KCNQ1: variants seen among roughly 807,000 people sequenced by gnomAD.
The protein encoded by KCNQ1 is potassium voltage-gated channel subfamily KQT member 1.
KCNQ1 carries 49 observed loss-of-function variants against 72.4 expected under a neutral mutation model. The ratio of observed to expected loss-of-function variants is 0.68; its 90% confidence interval spans 0.54 to 0.86. The LOEUF (loss-of-function observed/expected upper bound fraction) is 0.86. Ranked by LOEUF, KCNQ1 falls within the 40% of genes least tolerant of loss-of-function variation. KCNQ1 has a pLI of 0.00. For synonymous variants in KCNQ1, 450 were observed against 412.6 expected (o/e 1.09, Z -1.10); for missense variants, 790 against 945.1 (o/e 0.84, Z 2.15).
intron 2 of KCNQ1, among the ~76,000 whole-genome samples, chr11:2,535,322 A>G (rs933861744): frequency 6.6e-6 from 1 of 152,150 alleles, no homozygotes; most frequent in Admixed American, 6.5e-5. Context: ...GGTGGGCTGA[A>G]CTTCAGCTGC....
rs888091799 is a variant in KCNQ1 at position 2,764,140 on chromosome 11, T to C, written c.1515-4704T>C. Reference sequence around the variant, plus strand: ...TGTCTCAGGAGGAAAGCGTATCACATTTCACTATTAAGTATGATGTCTGCT... The same window carrying C: ...TGTCTCAGGAGGAAAGCGTATCACACTTCACTATTAAGTATGATGTCTGCT... On this transcript the variant is annotated intron_variant, in intron 11 of 15. Coordinates refer to ENST00000155840, the MANE Select transcript of KCNQ1 (RefSeq NM_000218.3). The surrounding 1 kb of genome is among the most constrained non-coding windows in gnomAD (Gnocchi z 4.8). Among the ~76,000 whole-genome samples, 15 of 152,292 alleles carry C rather than the reference T, an allele frequency of 9.8e-5. No individual in the cohort carries two copies. Among genetic ancestry groups the C allele is most frequent in the Middle Eastern group, 3.4e-3 (1 of 294 alleles).
chr11:2,790,174 G>T (rs116941544), intron 15 of KCNQ1, among the ~76,000 whole-genome samples: 2,116 of 152,270 alleles, frequency 0.014, 28 homozygotes, highest in Non-Finnish European at 0.021. Flanking sequence ...CTGCCACTGG[G>T]TGATGGGACC....
chr11:2,736,953 C>G (rs1294932814), intron 11 of KCNQ1, among the ~76,000 whole-genome samples: 1 of 152,166 alleles, frequency 6.6e-6, no homozygotes, highest in East Asian at 1.9e-4. Context: ...CTGAGGAAGC[C>G]CAGTCCCGAC....
rs1376220115 is a variant in KCNQ1 at position 2,687,943 on chromosome 11, G to A, written c.1514+25862G>A. On this transcript the variant is annotated intron_variant, in intron 11 of 15. Transcript: ENST00000155840. The surrounding 1 kb of genome is among the most constrained non-coding windows in gnomAD (Gnocchi z 5.0). ...TTGTGAGGCTGCACTTCTCCCACCCGCTGTGGGTCAGCCAGGCCGCTGCTT... is the reference window on the plus strand; with the variant it reads ...TTGTGAGGCTGCACTTCTCCCACCCACTGTGGGTCAGCCAGGCCGCTGCTT... 7.3e-5 allele frequency: 29 copies of A among 398,794 alleles called. 1 individual carries two copies. The South Asian group carries it at 1.3e-3, about 17-fold the overall frequency. 24.7% of individuals were successfully genotyped at this position (398,794 alleles called of 1,614,324 possible).
At chr11:2,780,596 C>G (rs949980301) in intron 15 of KCNQ1, among the ~76,000 whole-genome samples, 2 of 152,196 alleles carry the variant, frequency 1.3e-5, no homozygotes, top group Non-Finnish European at 2.9e-5. Context: ...AGCCCCTCAG[C>G]TGGGCTGTGC....
At position 2,537,351 on chromosome 11, in the gene KCNQ1, C is replaced by T. The variant is rs562184807; in HGVS notation, c.477+9333C>T. Among the ~76,000 whole-genome samples the T allele has an allele frequency of 1.1e-4, 17 of 152,196 alleles. No individual in the cohort carries two copies. Among genetic ancestry groups the T allele is most frequent in the Non-Finnish European group, 1.8e-4 (12 of 68,032 alleles). ...GACCTTCCAGGAAAGGTTTGCCACG[C>T]TATTTATTTAGCAGGATAATTTTGG... On this transcript the variant is annotated intron_variant, in intron 2 of 15. Transcript: ENST00000155840. This position sits in a 1 kb window ranked among gnomAD's most constrained non-coding sequence, Gnocchi z 5.2.
At chr11:2,689,233 C>A in intron 11 of KCNQ1, 3 of 398,746 alleles carry the variant, frequency 7.5e-6, no homozygotes, top group Non-Finnish European at 1.3e-5. Context: ...TTAGGCCAAG[C>A]TTTGAAGTCA....
chr11:2,722,558 C>T (rs992143799), intron 11 of KCNQ1, among the ~76,000 whole-genome samples: 4 of 152,150 alleles, frequency 2.6e-5, no homozygotes. Context: ...CTGGTGGGTC[C>T]CACTGAAGCT....
chr11:2,638,222 G>A (rs904142369), intron 10 of KCNQ1: 2 of 152,146 alleles, frequency 1.3e-5, no homozygotes, highest in Non-Finnish European at 2.9e-5. Flanking sequence ...CCATTATGAT[G>A]TTAGCTGGTT....
intron 1 of KCNQ1, chr11:2,521,625 C>T (rs1422325926): frequency 2.9e-5 from 13 of 448,312 alleles, no homozygotes. Flanking sequence ...ACCCCTTGAG[C>T]TGCCCACGTG....
rs953910042 is a variant in KCNQ1, at chr11:2,659,895, C to G, written c.1394-2066C>G. ...TCCATTTTTAAAATTGGATTGTTCA[C>G]TTTATTGTCAAGTTGTAAGCATTCT... On this transcript the variant is annotated intron_variant, in intron 10 of 15. Coordinates refer to ENST00000155840, the MANE Select transcript of KCNQ1 (RefSeq NM_000218.3). This position sits in a 1 kb window ranked among gnomAD's most constrained non-coding sequence, Gnocchi z 4.3. 7.5e-6 allele frequency: 3 copies of G among 398,170 alleles called. No individual in the cohort carries two copies. Among genetic ancestry groups the G allele is most frequent in the Middle Eastern group, 6.2e-4 (1 of 1,606 alleles). The allele number at this position is 398,170 out of a possible 1,614,324, so 24.7% of individuals were successfully genotyped here.
rs922082155 is a variant in KCNQ1 at position 2,651,131 on chromosome 11, C to G, written c.1394-10830C>G. 1.8e-5 allele frequency: 7 copies of G among 398,584 alleles called. No homozygotes were observed. Among genetic ancestry groups the G allele is most frequent in the Non-Finnish European group, 3.1e-5 (7 of 226,128 alleles). 24.7% of individuals were successfully genotyped at this position (398,584 alleles called of 1,614,324 possible). ...CTGTACTCCATTCTTCACATAACAG[C>G]TCAAGGGAGTTCTTTAAATGTACAG... On this transcript the variant is annotated intron_variant, in intron 10 of 15. Transcript: ENST00000155840. The surrounding 1 kb of genome is among the most constrained non-coding windows in gnomAD (Gnocchi z 6.1).
intron 11 of KCNQ1, chr11:2,684,738 G>C (rs1003264738): frequency 5.0e-6 from 2 of 398,548 alleles, no homozygotes; most frequent in South Asian, 2.5e-4. Flanking sequence ...GGGTAGGTCT[G>C]CCTGGGAGAA....
chr11:2,697,297 A>C (rs201239388), intron 11 of KCNQ1: 1 of 398,476 alleles, frequency 2.5e-6, no homozygotes, highest in African/African-American at 2.1e-5. Context: ...TAACACCAAA[A>C]TGTTTGAGAA....
chr11:2,612,418 C>CTCTTCATTTT lies in KCNQ1; in HGVS notation c.1393+23573_1393+23582dup, dbSNP rs1481080890. ...CTATATTATGGTATCCAATGGGTATCTCTTCATTTTTCTTCATTATTTTTC... is the reference window on the plus strand; with the variant it reads ...CTATATTATGGTATCCAATGGGTATCTCTTCATTTTTCTTCATTTTTCTTCATTATTTTTC... On this transcript the variant is annotated intron_variant, in intron 10 of 15. Coordinates refer to ENST00000155840, the MANE Select transcript of KCNQ1 (RefSeq NM_000218.3). This position sits in a 1 kb window ranked among gnomAD's most constrained non-coding sequence, Gnocchi z 5.5. The CTCTTCATTTT allele has an allele frequency of 2.5e-6, 1 of 398,438 alleles. No homozygotes were observed. The highest frequency in any genetic ancestry group is 4.4e-6 in the Non-Finnish European group (1 of 226,066). 24.7% of individuals were successfully genotyped at this position (398,438 alleles called of 1,614,324 possible).
chr11:2,576,159 G>T (rs1379226067), intron 6 of KCNQ1, among the ~76,000 whole-genome samples: 3 of 152,194 alleles, frequency 2.0e-5, no homozygotes, highest in Non-Finnish European at 4.4e-5. Flanking sequence ...AATTAGGGGG[G>T]ATGCAGTCCA....
At position 2,624,547 on chromosome 11, in the gene KCNQ1, G is replaced by A. The variant is rs1276617793; in HGVS notation, c.1393+35693G>A. ...TTATCTTCTGGGATTTCTATTTGTTGTTGATTTCCAAATCTTTTATTGTGG... is the reference window on the plus strand; with the variant it reads ...TTATCTTCTGGGATTTCTATTTGTTATTGATTTCCAAATCTTTTATTGTGG... On this transcript the variant is annotated intron_variant, in intron 10 of 15. Coordinates refer to ENST00000155840, the MANE Select transcript of KCNQ1 (RefSeq NM_000218.3). The surrounding 1 kb of genome is among the most constrained non-coding windows in gnomAD (Gnocchi z 4.9). 1 of 398,316 alleles carries A rather than the reference G, an allele frequency of 2.5e-6. No homozygotes were observed. The highest frequency in any genetic ancestry group is 4.4e-6 in the Non-Finnish European group (1 of 225,958). The allele number at this position is 398,316 out of a possible 1,614,324, so 24.7% of individuals were successfully genotyped here. A position where few individuals can be genotyped will look rare whatever the true frequency, so the allele number is the denominator to read the frequency against.
In KCNQ1 at chr11:2,683,896, A is replaced by G; in HGVS notation, c.1514+21815A>G. ...CTCTTCCAAATCATAAATGCAAAAG[A>G]TGGCCAAAGGTGCATGCTCTGTGAC... On this transcript the variant is annotated intron_variant, in intron 11 of 15. Coordinates refer to ENST00000155840, the MANE Select transcript of KCNQ1 (RefSeq NM_000218.3). This position sits in a 1 kb window ranked among gnomAD's most constrained non-coding sequence, Gnocchi z 4.7. 2.5e-6 allele frequency: 1 copy of G among 397,856 alleles called. No individual in the cohort carries two copies. The highest frequency in any genetic ancestry group is 2.1e-5 in the African/African-American group (1 of 48,486). The allele number at this position is 397,856 out of a possible 1,614,324, so 24.6% of individuals were successfully genotyped here.
intron 12 of KCNQ1, among the ~76,000 whole-genome samples, chr11:2,774,863 G>T (rs184302085): frequency 1.5e-4 from 23 of 152,296 alleles, no homozygotes; most frequent in Admixed American, 1.2e-3. Flanking sequence ...GCCCTCAACG[G>T]TACCTGAGCT....
Sources: allele counts gnomAD v4.1 joint callset (sites outside exome capture counted in the v4.1 genomes callset), GRCh38; gene constraint gnomAD v4.1.1; non-coding constraint Gnocchi (gnomAD v3.1); transcripts MANE v1.5; gene names NCBI Gene and HGNC (gene_info 2026-07-23, HGNC 2026-07-21).